Variants in TLCD4 observed in about 807,000 individuals in gnomAD.
The protein encoded by TLCD4 is TLC domain containing 4.
In TLCD4, 7 loss-of-function variants were observed where a neutral mutation model predicts 24.2. That is an observed-to-expected ratio of 0.29 (90% CI 0.16 to 0.54). The LOEUF is 0.54. TLCD4 is among the 20% of genes least tolerant of loss of function. The probability of loss-of-function intolerance (pLI) is 0.95; values close to 1 mark genes in which losing one functional copy is unlikely to be tolerated. For missense variants in TLCD4, 259 were observed against 313.9 expected, an observed-to-expected ratio of 0.82 and a Z score of 1.32; for synonymous variants, 103 against 106.4, an observed-to-expected ratio of 0.97 and a Z score of 0.20.
chr1:95,176,301 T>C (rs1678426559), intron 6 of TLCD4, among the ~76,000 whole-genome samples: 1 of 151,908 alleles, frequency 6.6e-6, no homozygotes, highest in Admixed American at 6.6e-5. Flanking sequence ...CAGTGATTCT[T>C]GTGCCTCAGT....
rs1679239936 is a variant in TLCD4, at chr1:95,197,535, A to G, written c.*5667A>G. On this transcript the variant is annotated 3_prime_UTR_variant, in exon 7 of 7. Coordinates refer to ENST00000370203, the MANE Select transcript of TLCD4 (RefSeq NM_152487.3). ...CCTTGGGATTTTCTTGTGCTAGAAC[A>G]CTACCACAATGTGGTGCAAAGCTTT... 1 of 152,164 alleles carries G rather than the reference A, an allele frequency of 6.6e-6. No homozygotes were observed. The highest frequency in any genetic ancestry group is 1.5e-5 in the Non-Finnish European group (1 of 68,030). 9.4% of individuals were successfully genotyped at this position (152,164 alleles called of 1,614,324 possible).
At chr1:95,141,358 A>T (rs1677191218) in intron 1 of TLCD4, among the ~76,000 whole-genome samples, 1 of 152,220 alleles carries the variant, frequency 6.6e-6, no homozygotes, top group Admixed American at 6.5e-5. Context: ...CATGAAATAA[A>T]TGCTTTGTAT....
chr1:95,097,353 C>G, the TLCD4 span, among the ~76,000 whole-genome samples: 10 of 152,122 alleles, frequency 6.6e-5, no homozygotes, highest in African/African-American at 2.4e-4. Flanking sequence ...CTTATTAACC[C>G]AAGTTCTCTA....
intron 5 of TLCD4, among the ~76,000 whole-genome samples, chr1:95,159,379 T>A (rs1370710803): frequency 1.3e-5 from 2 of 152,242 alleles, no homozygotes; most frequent in Admixed American, 1.3e-4. Context: ...TGTAAATTTG[T>A]TTAAGTTCTT....
chr1:95,176,411 G>A (rs1005717379), intron 6 of TLCD4, among the ~76,000 whole-genome samples: 4 of 151,580 alleles, frequency 2.6e-5, no homozygotes, highest in African/African-American at 4.8e-5. Context: ...GGCTGGTCTC[G>A]AACTCTTGAC....
chr1:95,118,305 C>G (rs552787964), intron 1 of TLCD4, among the ~76,000 whole-genome samples: 3 of 152,254 alleles, frequency 2.0e-5, no homozygotes, highest in Non-Finnish European at 2.9e-5. Flanking sequence ...AAATGGGATT[C>G]GTAATGCCAG....
At chr1:95,179,342 C>T (rs1187198877) in intron 6 of TLCD4, among the ~76,000 whole-genome samples, 1 of 152,142 alleles carries the variant, frequency 6.6e-6, no homozygotes, top group East Asian at 1.9e-4. Flanking sequence ...GTTGGCAAAC[C>T]ATGCATGGCT....
chr1:95,130,556 A>G (rs1035031718), intron 1 of TLCD4, among the ~76,000 whole-genome samples: 25 of 152,324 alleles, frequency 1.6e-4, no homozygotes, highest in African/African-American at 6.0e-4. Flanking sequence ...GAAAATGCAG[A>G]CAAAACTCAG....
intron 5 of TLCD4, among the ~76,000 whole-genome samples, chr1:95,171,446 G>A (rs1678219290): frequency 6.6e-6 from 1 of 152,210 alleles, no homozygotes; most frequent in South Asian, 2.1e-4. Context: ...GTAATTGTGA[G>A]CAGTAACAGT....
chr1:95,106,054 G>A, the TLCD4 span, among the ~76,000 whole-genome samples: 1 of 152,102 alleles, frequency 6.6e-6, no homozygotes, highest in Non-Finnish European at 1.5e-5. Context: ...CTTCCTGATG[G>A]CTTAGTGGAT....
At chr1:95,153,331 G>A (rs1227094884) in intron 5 of TLCD4, among the ~76,000 whole-genome samples, 2 of 152,066 alleles carry the variant, frequency 1.3e-5, no homozygotes, top group Non-Finnish European at 1.5e-5. Context: ...TAATAAAAAT[G>A]TTAAAGCAAG....
At chr1:95,165,269 G>A (rs1388799612) in intron 5 of TLCD4, 2 of 152,150 alleles carry the variant, frequency 1.3e-5, no homozygotes, top group East Asian at 3.9e-4. Context: ...AGACTATCTG[G>A]TGGTATCATT....
chr1:95,144,608 A>G lies in TLCD4; in HGVS notation c.155+552A>G, dbSNP rs535020327. 1.1e-3 allele frequency among the ~76,000 whole-genome samples: 158 copies of G among 150,088 alleles called. 2 individuals are homozygous for G. Among genetic ancestry groups the G allele is most frequent in the Admixed American group, 5.0e-3 (76 of 15,082 alleles). On this transcript the variant is annotated intron_variant, in intron 2 of 6. Transcript: ENST00000370203. ...AATTTCTTTTTAGTTTTTTTTTTTT[A>G]AACAGAAAAGTAAATGGAGAAAGAA...
intron 2 of TLCD4, among the ~76,000 whole-genome samples, chr1:95,146,623 T>C (rs1047530442): frequency 1.3e-5 from 2 of 152,146 alleles, no homozygotes; most frequent in Non-Finnish European, 2.9e-5. Context: ...AAATTTTCCT[T>C]TGCTAGGAAT....
chr1:95,145,380 CTG>C (rs760816573), intron 2 of TLCD4, among the ~76,000 whole-genome samples: 1 of 152,028 alleles, frequency 6.6e-6, no homozygotes, highest in Non-Finnish European at 1.5e-5. Context: ...ATGATTCAGA[CTG>C]TGAATTTAAT....
intron 4 of TLCD4, among the ~76,000 whole-genome samples, chr1:95,150,575 G>A (rs550697098): frequency 4.6e-5 from 7 of 152,032 alleles, no homozygotes; most frequent in African/African-American, 7.2e-5. Flanking sequence ...TGAAACTAAC[G>A]AAATTTAACT....
chr1:95,120,322 C>T (rs1676536474), intron 1 of TLCD4: 1 of 152,146 alleles, frequency 6.6e-6, no homozygotes, highest in Non-Finnish European at 1.5e-5. Flanking sequence ...TAGGTATTTC[C>T]AGAGTGACTT....
the TLCD4 span, among the ~76,000 whole-genome samples, chr1:95,104,253 A>ATC: frequency 1.8e-3 from 276 of 152,324 alleles, 7 homozygotes; most frequent in East Asian, 0.044. Flanking sequence ...GAACACTTAG[A>ATC]TAGCACCCAC....
At chr1:95,189,327 T>C (rs1035395077) in intron 6 of TLCD4, among the ~76,000 whole-genome samples, 7 of 152,174 alleles carry the variant, frequency 4.6e-5, no homozygotes, top group African/African-American at 1.7e-4. Context: ...TTCAGGGATG[T>C]TATATCATGC....
Sources: allele counts gnomAD v4.1 joint callset (sites outside exome capture counted in the v4.1 genomes callset), GRCh38; gene constraint gnomAD v4.1.1; transcripts MANE v1.5; gene names NCBI Gene and HGNC (gene_info 2026-07-23, HGNC 2026-07-21).